ABCC1: variants seen among roughly 807,000 people sequenced by gnomAD.
ABCC1 encodes the protein ATP binding cassette subfamily C member 1 (ABCC1 blood group).
In ABCC1, 83 loss-of-function variants were observed where a neutral mutation model predicts 172.9. The ratio of observed to expected loss-of-function variants is 0.48; its 90% CI spans 0.40 to 0.58. ABCC1 has a LOEUF of 0.58. ABCC1 is among the 20% of genes least tolerant of loss of function. ABCC1 has a pLI of 0.00. For synonymous variants in ABCC1, 937 were observed against 825.2 expected, an observed-to-expected ratio of 1.14 and a Z score of -2.32; for missense variants, 1,817 against 2,002.7, an observed-to-expected ratio of 0.91 and a Z score of 1.77.
chr16:16,132,023 C>A, intron 27 of ABCC1, 88 bp downstream of exon 27: 1 of 1,504,236 alleles, frequency 6.6e-7, no homozygotes, highest in South Asian at 1.2e-5. Flanking sequence ...AGCGTCTCCC[C>A]AGTCACTCAC....
At chr16:16,108,528 C>T (rs2052242083) in intron 21 of ABCC1, among the ~76,000 whole-genome samples, 1 of 151,572 alleles carries the variant, frequency 6.6e-6, no homozygotes, top group South Asian at 2.1e-4. Flanking sequence ...CTCAGCCTCC[C>T]AAAGAGCTGG....
intron 8 of ABCC1, among the ~76,000 whole-genome samples, chr16:16,045,518 G>T (rs1240686115): frequency 6.6e-6 from 1 of 151,948 alleles, no homozygotes; most frequent in Admixed American, 6.6e-5. Context: ...TGACTCAGGG[G>T]CTACACATCC....
intron 6 of ABCC1, among the ~76,000 whole-genome samples, chr16:16,033,971 A>T (rs113329249): frequency 0.012 from 1,759 of 146,546 alleles, 43 homozygotes; most frequent in African/African-American, 0.042. Context: ...CGTTGTTAAC[A>T]TCTTAGTGGG....
chr16:16,124,962 G>T, intron 25 of ABCC1, 47 bp downstream of exon 25: 2 of 1,611,876 alleles, frequency 1.2e-6, no homozygotes, highest in South Asian at 2.2e-5. Flanking sequence ...TGTTAATGGG[G>T]GAGCCAGTTG....
In ABCC1 at chr16:16,136,504, C is replaced by G. The variant is rs1266803843; in HGVS notation, c.4152C>G (p.Leu1384=). Residue 1384 remains leucine, a synonymous_variant, in exon 29 of 31, where the codon CTC becomes CTG. Coordinates refer to ENST00000399410, the MANE Select transcript of ABCC1 (RefSeq NM_004996.4). ...ACCCTGTTTTGTTTTCGGGTTCCCT[C>G]CGAATGAACCTGGACCCATTCAGCC... The part of the protein sequence containing the change: ...PQDPVLFSGS[L]RMNLDPFSQY... The G allele has an allele frequency of 6.2e-7, 1 of 1,614,190 alleles. No individual in the cohort carries two copies.
In ABCC1 at chr16:16,036,577, G is replaced by A. The variant is rs2048767360; in HGVS notation, c.783G>A (p.Trp261Ter). ...EQVVPVLVKN[W>*]KKECAKTRKQ... ...TCGTGCCTGTTTTGGTAAAGAACTG[G>A]AAGAAGGAATGCGCCAAGACTAGGA... Residue 261 changes from tryptophan to a stop codon, truncating the protein, a stop_gained, in exon 7 of 31, where the codon TGG becomes TGA. Coordinates refer to ENST00000399410, the MANE Select transcript of ABCC1 (RefSeq NM_004996.4). LOFTEE classifies it high-confidence loss of function. 1.2e-6 allele frequency: 2 copies of A among 1,614,028 alleles called. No homozygotes were observed. Among genetic ancestry groups the A allele is most frequent in the Non-Finnish European group, 1.7e-6 (2 of 1,179,990 alleles).
intron 1 of ABCC1, among the ~76,000 whole-genome samples, chr16:15,954,132 C>T (rs914116484): frequency 5.9e-5 from 9 of 151,582 alleles, no homozygotes; most frequent in Admixed American, 2.6e-4. Context: ...CTCAGGCTCC[C>T]GAGTAGCTGG....
intron 2 of ABCC1, among the ~76,000 whole-genome samples, chr16:16,008,943 T>TG (rs1555481061): frequency 2.4e-3 from 355 of 145,824 alleles, no homozygotes; most frequent in African/African-American, 4.6e-3. Flanking sequence ...TTTTTTTTTT[T>TG]TTGTTGTTGT....
intron 13 of ABCC1, among the ~76,000 whole-genome samples, chr16:16,069,218 T>C (rs1278404698): frequency 6.9e-6 from 1 of 144,708 alleles, no homozygotes; most frequent in South Asian, 2.2e-4. Flanking sequence ...ATAAATATGT[T>C]TGAAAATTAG....
At chr16:15,962,673 G>A (rs115343087) in intron 1 of ABCC1, among the ~76,000 whole-genome samples, 5 of 152,148 alleles carry the variant, frequency 3.3e-5, no homozygotes, top group Admixed American at 6.6e-5. Context: ...GAGAAAAGCC[G>A]GTATAAAACC....
At position 15,981,587 on chromosome 16, in the gene ABCC1, C is replaced by T. The variant is rs114431056; in HGVS notation, c.49-26229C>T. On this transcript the variant is annotated intron_variant, in intron 1 of 30. Coordinates refer to ENST00000399410, the MANE Select transcript of ABCC1 (RefSeq NM_004996.4). Reference sequence around the variant, plus strand: ...GTTGAAGCAACTGGAACAAAGTGTACCAACTCCCTAGGCAGCACACAGCAG... The same window carrying T: ...GTTGAAGCAACTGGAACAAAGTGTATCAACTCCCTAGGCAGCACACAGCAG... Among the ~76,000 whole-genome samples the T allele has an allele frequency of 5.4e-3, 827 of 152,236 alleles. 8 individuals carry two copies. The highest frequency in any genetic ancestry group is 0.019 in the African/African-American group (784 of 41,522).
intron 19 of ABCC1, among the ~76,000 whole-genome samples, chr16:16,101,360 C>T (rs1023030580): frequency 8.5e-5 from 13 of 152,148 alleles, no homozygotes; most frequent in African/African-American, 9.7e-5. Flanking sequence ...TAAAGCCCCC[C>T]GTGACTCATT....
intron 18 of ABCC1, 21 bp from the exon 19 acceptor site, chr16:16,090,384 G>C: frequency 6.4e-7 from 1 of 1,563,958 alleles, no homozygotes; most frequent in Non-Finnish European, 8.7e-7. Context: ...TCACGTGGCC[G>C]GGTGTCCCCT....
At chr16:16,104,892 G>T (rs567076754) in intron 20 of ABCC1, among the ~76,000 whole-genome samples, 2 of 152,136 alleles carry the variant, frequency 1.3e-5, no homozygotes, top group Non-Finnish European at 2.9e-5. Context: ...CTCACTACCC[G>T]GGCTGGCGGG....
chr16:16,083,679 G>A (rs1022061835), intron 17 of ABCC1, 137 bp downstream of exon 17: 26 of 1,113,570 alleles, frequency 2.3e-5, no homozygotes, highest in South Asian at 7.7e-5. Context: ...TCTGCTGCAC[G>A]CTGCAGGCCA....
At chr16:15,963,752 C>T (rs550581497) in intron 1 of ABCC1, among the ~76,000 whole-genome samples, 9 of 152,122 alleles carry the variant, frequency 5.9e-5, no homozygotes, top group Non-Finnish European at 1.2e-4. Flanking sequence ...TGGACCCAGC[C>T]CAGGAAACCG....
intron 18 of ABCC1, among the ~76,000 whole-genome samples, chr16:16,089,083 A>G (rs926404767): frequency 3.0e-4 from 46 of 152,224 alleles, no homozygotes; most frequent in Non-Finnish European, 8.8e-5. Flanking sequence ...TGTAAGATCC[A>G]TAAAGCTGAA....
intron 1 of ABCC1, among the ~76,000 whole-genome samples, chr16:15,974,634 T>A (rs945278931): frequency 3.3e-5 from 5 of 152,184 alleles, no homozygotes; most frequent in African/African-American, 4.8e-5. Context: ...TATGACATAC[T>A]TCCCAGTTTC....
At chr16:15,997,247 C>T (rs1017954550) in intron 1 of ABCC1, among the ~76,000 whole-genome samples, 9 of 152,252 alleles carry the variant, frequency 5.9e-5, no homozygotes, top group Non-Finnish European at 1.0e-4. Context: ...TGTGCCACCA[C>T]GCCTGGTGAA....
Sources: allele counts gnomAD v4.1 joint callset (sites outside exome capture counted in the v4.1 genomes callset), GRCh38; gene constraint gnomAD v4.1.1; transcripts MANE v1.5; gene names NCBI Gene and HGNC (gene_info 2026-07-23, HGNC 2026-07-21).